CLASP1: variants seen among roughly 807,000 people sequenced by gnomAD.
The protein encoded by CLASP1 is CLIP-associating protein 1.
A neutral mutation model predicts 192.3 loss-of-function variants in CLASP1; 38 were observed. The ratio of observed to expected loss-of-function variants is 0.20; its 90% CI spans 0.15 to 0.26. CLASP1 has a LOEUF of 0.26. CLASP1 is among the 10% of genes least tolerant of loss of function. The pLI is 1.00. For missense variants in CLASP1, 1,433 were observed against 1,932.5 expected (o/e 0.74, Z 4.85); for synonymous variants, 691 against 712.8 (o/e 0.97, Z 0.49).
At chr2:121,610,585 GAGA>G (rs1397845974) in intron 1 of CLASP1, among the ~76,000 whole-genome samples, 11 of 143,684 alleles carry the variant, frequency 7.7e-5, no homozygotes, top group Admixed American at 2.1e-4. Context: ...AGAGGAACTG[GAGA>G]AGGAGGAGGA....
chr2:121,399,936 T>C (rs188535617), intron 28 of CLASP1, among the ~76,000 whole-genome samples: 1 of 152,282 alleles, frequency 6.6e-6, no homozygotes, highest in African/African-American at 2.4e-5. Flanking sequence ...AATCCACATT[T>C]CTGACCTTTC....
chr2:121,640,382 T>G (rs575283321), intron 1 of CLASP1, among the ~76,000 whole-genome samples: 2 of 152,216 alleles, frequency 1.3e-5, no homozygotes, highest in South Asian at 4.1e-4. Flanking sequence ...AAAAAAATGG[T>G]TTAAATGGAC....
chr2:121,586,650 A>G (rs867327235), intron 2 of CLASP1, among the ~76,000 whole-genome samples: 1 of 152,152 alleles, frequency 6.6e-6, no homozygotes, highest in Non-Finnish European at 1.5e-5. Flanking sequence ...AAAAATAAAA[A>G]AAAAAAGACA....
chr2:121,552,951 C>T (rs1335177309), intron 2 of CLASP1, among the ~76,000 whole-genome samples: 2 of 152,202 alleles, frequency 1.3e-5, no homozygotes, highest in Non-Finnish European at 2.9e-5. Flanking sequence ...ACATGCCCAT[C>T]AATGACAGAC....
chr2:121,486,326 G>C, intron 8 of CLASP1, among the ~76,000 whole-genome samples: 1 of 152,264 alleles, frequency 6.6e-6, no homozygotes, highest in Non-Finnish European at 1.5e-5. Context: ...GCAACACTAA[G>C]GGATGTGAAT....
At chr2:121,450,355 A>G (rs185521441) in intron 16 of CLASP1, among the ~76,000 whole-genome samples, 19 of 152,172 alleles carry the variant, frequency 1.2e-4, no homozygotes, top group Admixed American at 1.0e-3. Flanking sequence ...ATTTCCAAGG[A>G]GGTAACGAAT....
chr2:121,353,203 T>G (rs1452188675), intron 37 of CLASP1, among the ~76,000 whole-genome samples: 1 of 152,022 alleles, frequency 6.6e-6, no homozygotes, highest in Non-Finnish European at 1.5e-5. Flanking sequence ...GGTGGAGGAA[T>G]GACACCAGAG....
chr2:121,442,547 T>A (rs1262570243), intron 19 of CLASP1, among the ~76,000 whole-genome samples: 1 of 151,540 alleles, frequency 6.6e-6, no homozygotes, highest in Admixed American at 6.6e-5. Context: ...AGGCATAATC[T>A]CCGCTCACTA....
chr2:121,377,725 C>A, intron 33 of CLASP1, 76 bp from the exon 35 acceptor site: 1 of 1,010,860 alleles, frequency 9.9e-7, no homozygotes, highest in Non-Finnish European at 1.4e-6. Context: ...AGTTACTTCC[C>A]ACAATTTAAA....
intron 24 of CLASP1, chr2:121,408,994 G>C: frequency 6.5e-7 from 1 of 1,540,632 alleles, no homozygotes; most frequent in Non-Finnish European, 8.8e-7. Context: ...GAGAAATAAA[G>C]TTGTAAAACA....
At chr2:121,492,686 A>C (rs1267517390) in intron 8 of CLASP1, among the ~76,000 whole-genome samples, 1 of 151,978 alleles carries the variant, frequency 6.6e-6, no homozygotes, top group Non-Finnish European at 1.5e-5. Context: ...AAAAAAAAAA[A>C]AAACAAGCAT....
intron 2 of CLASP1, among the ~76,000 whole-genome samples, chr2:121,594,604 A>G (rs770976924): frequency 5.9e-5 from 9 of 152,052 alleles, no homozygotes; most frequent in East Asian, 5.9e-4. Flanking sequence ...TGTTAGCCAG[A>G]ATGGTCTCCA....
At chr2:121,453,187 T>C (rs1029501303) in intron 14 of CLASP1, among the ~76,000 whole-genome samples, 2 of 152,126 alleles carry the variant, frequency 1.3e-5, no homozygotes, top group Non-Finnish European at 2.9e-5. Flanking sequence ...CCTAGCTATT[T>C]AGGAAGCTGA....
chr2:121,401,798 A>G (rs543369956), intron 27 of CLASP1, 70 bp downstream of exon 28: 1 of 822,686 alleles, frequency 1.2e-6, no homozygotes, highest in African/African-American at 1.7e-5. Flanking sequence ...AACACTGTTA[A>G]CAACTGTTCA....
At chr2:121,367,856 C>T (rs1168888122) in intron 34 of CLASP1, 25 bp from the exon 36 acceptor site, 2 of 1,608,874 alleles carry the variant, frequency 1.2e-6, no homozygotes, top group African/African-American at 2.7e-5. Flanking sequence ...ACTGTCAGTT[C>T]CCTTCTGGGA....
intron 26 of CLASP1, 162 bp downstream of exon 27, chr2:121,404,207 TTC>T (rs1383432951): frequency 4.5e-6 from 4 of 880,820 alleles, no homozygotes; most frequent in Non-Finnish European, 5.4e-6. Context: ...TTTCCAAGAA[TTC>T]TGTTTTTAAA....
At chr2:121,387,709 CT>C in intron 31 of CLASP1, 53 bp downstream of exon 32, 1 of 1,576,230 alleles carries the variant, frequency 6.3e-7, no homozygotes, top group Non-Finnish European at 8.7e-7. Context: ...TAGATAAGGG[CT>C]ACGCAGAGGT....
chr2:121,525,683 T>C (rs1405666292), intron 6 of CLASP1, among the ~76,000 whole-genome samples, 162 bp downstream of exon 6: 1 of 152,162 alleles, frequency 6.6e-6, no homozygotes, highest in African/African-American at 2.4e-5. Flanking sequence ...TACATTTGAA[T>C]GTATAAATAT....
At chr2:121,413,998 T>TA (rs1261235632) in intron 23 of CLASP1, among the ~76,000 whole-genome samples, 143 bp downstream of exon 24, 2 of 152,024 alleles carry the variant, frequency 1.3e-5, no homozygotes, top group African/African-American at 4.8e-5. Flanking sequence ...TTCAATAACT[T>TA]AAAAAAATTA....
Sources: gnomAD v4.1 joint callset for allele counts (sites outside exome capture counted in the v4.1 genomes callset) on GRCh38, gnomAD v4.1.1 for gene constraint, MANE v1.5 for transcripts, NCBI Gene and HGNC (gene_info 2026-07-23, HGNC 2026-07-21) for gene names.